The following DIAPH1 variants were observed in gnomAD, a reference collection of about 807,000 sequenced individuals.
DIAPH1 encodes protein diaphanous homolog 1.
DIAPH1 carries 46 observed loss-of-function variants against 140.7 expected under a neutral mutation model. That is an observed-to-expected ratio of 0.33 (90% confidence interval 0.26 to 0.42). The LOEUF (loss-of-function observed/expected upper bound fraction) is 0.42, where lower values mean the gene tolerates loss of function less well. Among genes scored for constraint, DIAPH1 ranks in the 10% least tolerant of loss-of-function variants. The pLI, the probability that DIAPH1 is intolerant of heterozygous loss-of-function variation, is 1.00. For synonymous variants in DIAPH1, 565 were observed against 551.6 expected (o/e 1.02, Z -0.34); for missense variants, 1,310 against 1,558.7 (o/e 0.84, Z 2.69).
chr5:141,522,900 A>G (rs975450288), intron 27 of DIAPH1, among the ~76,000 whole-genome samples: 5 of 152,184 alleles, frequency 3.3e-5, no homozygotes, highest in African/African-American at 1.2e-4. Context: ...AACATTCTGA[A>G]GTCATACAAG....
intron 18 of DIAPH1, among the ~76,000 whole-genome samples, chr5:141,548,391 T>C (rs1358105091): frequency 6.7e-6 from 1 of 149,190 alleles, no homozygotes; most frequent in East Asian, 2.0e-4. Flanking sequence ...GTAAAGGGAG[T>C]ATTTATTCAG....
At chr5:141,537,710 A>G (rs184239608) in intron 18 of DIAPH1, among the ~76,000 whole-genome samples, 108 of 152,232 alleles carry the variant, frequency 7.1e-4, no homozygotes, top group Middle Eastern at 3.4e-3. Flanking sequence ...GAGGAGGGCA[A>G]AGAGACTTAA....
Position 141,588,213 on chromosome 5 carries a change from A to G in DIAPH1, c.144+11T>C, listed in dbSNP as rs1452145424. On this transcript the variant is annotated intron_variant, in intron 2 of 27. Transcript: ENST00000389054. ...GCTAGAACATGCACATGCTAAACAA[A>G]ATGTCCTTACCTCATCTGCCATGAG... 2.5e-6 allele frequency: 4 copies of G among 1,609,584 alleles called. No homozygotes were observed. Among genetic ancestry groups the G allele is most frequent in the Non-Finnish European group, 3.4e-6 (4 of 1,176,108 alleles).
chr5:141,579,274 G>C lies in DIAPH1; in HGVS notation c.825-78C>G. The C allele has an allele frequency of 4.9e-6, 5 of 1,010,424 alleles. 1 individual carries two copies. The South Asian group carries it at 5.1e-5, about 10-fold the overall frequency. The allele number at this position is 1,010,424 out of a possible 1,614,324, so 62.6% of individuals were successfully genotyped here. A position where few individuals can be genotyped will look rare whatever the true frequency, so the allele number is the denominator to read the frequency against. The stretch of plus-strand genomic sequence containing the variant: ...ACGTATAATGAGTAAATTACACAGG[G>C]GCACAGACCGATTAGGAAACAGGAC... On this transcript the variant is annotated intron_variant, in intron 8 of 27. Coordinates refer to ENST00000389054, the MANE Select transcript of DIAPH1 (RefSeq NM_005219.5).
intron 26 of DIAPH1, 42 bp from the exon 27 acceptor site, chr5:141,524,271 G>A: frequency 6.4e-7 from 1 of 1,564,388 alleles, no homozygotes; most frequent in East Asian, 2.2e-5. Flanking sequence ...TCTTCAGCCA[G>A]AGCAGCATGG....
At chr5:141,612,029 T>C (rs2099901931) in intron 1 of DIAPH1, among the ~76,000 whole-genome samples, 1 of 152,172 alleles carries the variant, frequency 6.6e-6, no homozygotes, top group African/African-American at 2.4e-5. Context: ...ATTATGCCAC[T>C]GTACTCCAGC....
At chr5:141,585,122 A>G (rs1320380148) in intron 3 of DIAPH1, among the ~76,000 whole-genome samples, 1 of 152,046 alleles carries the variant, frequency 6.6e-6, no homozygotes, top group East Asian at 1.9e-4. Context: ...ACACTCAGCT[A>G]ATTTTTGTAT....
chr5:141,587,062 C>G lies in DIAPH1; in HGVS notation c.280G>C (p.Val94Leu), dbSNP rs757339076. ...LQDVSDEQVL[V>L]LFEQMLLDMN... Reference sequence around the variant, plus strand: ...CTTACCAGCATCTGTTCAAAGAGAACCAGCACTTGTTCATCTGAAACATCT... The same window carrying G: ...CTTACCAGCATCTGTTCAAAGAGAAGCAGCACTTGTTCATCTGAAACATCT... Residue 94 changes from valine (V) to leucine (L), a missense_variant, in exon 3 of 28, where the codon GTT becomes CTT. By Grantham distance (32) the Val-to-Leu change is conservative. Around this residue, in one of 3 missense-constraint regions of DIAPH1, gnomAD observed 377 missense variants for 497.1 expected, o/e 0.76. Transcript: ENST00000389054. 6.2e-6 allele frequency: 10 copies of G among 1,614,010 alleles called. No homozygotes were observed. The African/African-American group carries it at 8.0e-5, about 13-fold the overall frequency.
chr5:141,598,018 C>T (rs1458239404), intron 1 of DIAPH1, among the ~76,000 whole-genome samples: 1 of 152,186 alleles, frequency 6.6e-6, no homozygotes, highest in African/African-American at 2.4e-5. Context: ...CTGTGGTGAA[C>T]CCTGTTTCCC....
At chr5:141,530,340 G>A (rs1008081840) in intron 19 of DIAPH1, among the ~76,000 whole-genome samples, 9 of 151,968 alleles carry the variant, frequency 5.9e-5, no homozygotes, top group Non-Finnish European at 1.0e-4. Context: ...TTCATTAGGA[G>A]CCTCTAAACC....
At chr5:141,609,828 C>T (rs1238014794) in intron 1 of DIAPH1, among the ~76,000 whole-genome samples, 1 of 152,090 alleles carries the variant, frequency 6.6e-6, no homozygotes, top group East Asian at 1.9e-4. Flanking sequence ...CACCACCTAA[C>T]AAGAAAAAAA....
intron 18 of DIAPH1, among the ~76,000 whole-genome samples, chr5:141,553,903 C>G (rs1283026803): frequency 2.0e-5 from 3 of 151,974 alleles, no homozygotes; most frequent in Non-Finnish European, 4.4e-5. Context: ...GAAAGAAAAA[C>G]AGAGAAATCA....
chr5:141,525,267 G>C (rs1383595151), intron 26 of DIAPH1, among the ~76,000 whole-genome samples: 1 of 152,188 alleles, frequency 6.6e-6, no homozygotes, highest in Non-Finnish European at 1.5e-5. Flanking sequence ...AAACTCAGCA[G>C]CTCTGTGAAC....
chr5:141,557,005 T>C (rs1263132634), intron 18 of DIAPH1, among the ~76,000 whole-genome samples: 1 of 152,078 alleles, frequency 6.6e-6, no homozygotes, highest in Non-Finnish European at 1.5e-5. Flanking sequence ...GAGATCTTTT[T>C]AAAAGAAATT....
intron 18 of DIAPH1, chr5:141,564,874 C>T (rs967743803): frequency 6.6e-6 from 1 of 152,190 alleles, no homozygotes; most frequent in African/African-American, 2.4e-5. Flanking sequence ...ACCCCTGGTG[C>T]AATCTTATTA....
intron 18 of DIAPH1, chr5:141,560,721 A>C (rs922242075): frequency 1.3e-5 from 5 of 380,564 alleles, no homozygotes; most frequent in African/African-American, 8.4e-5. Flanking sequence ...GCAGAATTCT[A>C]AACCATTCTC....
At position 141,536,886 on chromosome 5, in the gene DIAPH1, T is replaced by C. The variant is rs187888962; in HGVS notation, c.2483-2453A>G. ...GGTAAAGACAGATCACATAAAAAAATAGGCCTGGCATGGTGGCTCATGCCT... is the reference window on the plus strand; with the variant it reads ...GGTAAAGACAGATCACATAAAAAAACAGGCCTGGCATGGTGGCTCATGCCT... On this transcript the variant is annotated intron_variant, in intron 18 of 27. Coordinates refer to ENST00000389054, the MANE Select transcript of DIAPH1 (RefSeq NM_005219.5). Among the ~76,000 whole-genome samples, 615 of 152,164 alleles carry C rather than the reference T, an allele frequency of 4.0e-3. 4 individuals are homozygous for C. The highest frequency in any genetic ancestry group is 0.012 in the African/African-American group (515 of 41,524).
At position 141,546,651 on chromosome 5, in the gene DIAPH1, G is replaced by GA. The variant is rs929611743; in HGVS notation, c.2483-12219dup. On this transcript the variant is annotated intron_variant, in intron 18 of 27. Transcript: ENST00000389054. ...AGCCTGGGCGACAGAATGAGACTCT[G>GA]AAAAAAAAAAGAAAAAAAAAAAAAG... Among the ~76,000 whole-genome samples the GA allele has an allele frequency of 9.3e-3, 1,017 of 109,238 alleles. 14 individuals carry two copies. Among genetic ancestry groups the GA allele is most frequent in the African/African-American group, 0.032 (954 of 29,692 alleles). The allele number at this position is 109,238 out of a possible 152,430, so 71.7% of individuals were successfully genotyped here. A position where few individuals can be genotyped will look rare whatever the true frequency, so the allele number is the denominator to read the frequency against.
rs139963816 is a variant in DIAPH1, at chr5:141,586,350, A to G, written c.300+692T>C. Among the ~76,000 whole-genome samples the G allele has an allele frequency of 1.1e-3, 165 of 152,340 alleles. 2 individuals are homozygous for G. The highest frequency in any genetic ancestry group is 3.8e-3 in the African/African-American group (159 of 41,572). Reference sequence around the variant, plus strand: ...CCCTGTGCTAAGGATTTTAAACCTAAGCTTTTAATTAAGCTAGGCCTGCCA... The same window carrying G: ...CCCTGTGCTAAGGATTTTAAACCTAGGCTTTTAATTAAGCTAGGCCTGCCA... On this transcript the variant is annotated intron_variant, in intron 3 of 27. Transcript: ENST00000389054.
Sources: gnomAD v4.1 joint callset for allele counts (sites outside exome capture counted in the v4.1 genomes callset) on GRCh38, gnomAD v4.1.1 for gene constraint, gnomAD v4.1.1 regional missense constraint, MANE v1.5 for transcripts, NCBI Gene and HGNC (gene_info 2026-07-23, HGNC 2026-07-21) for gene names.